Variants in ACSM5 observed in about 807,000 individuals in gnomAD.
ACSM5 encodes the protein acyl-CoA synthetase medium chain family member 5, also known as acyl-coenzyme A synthetase ACSM5, mitochondrial.
In ACSM5, 56 loss-of-function variants were observed where a neutral mutation model predicts 71.6. That is an observed-to-expected ratio of 0.78 (90% CI 0.63 to 0.98). The LOEUF (loss-of-function observed/expected upper bound fraction) is 0.98. Ranked by LOEUF, ACSM5 falls within the 50% of genes least tolerant of loss-of-function variation. ACSM5 has a pLI of 0.00. For missense variants in ACSM5, 723 were observed against 726.0 expected (o/e 1.00, Z 0.05); for synonymous variants, 285 against 281.5 (o/e 1.01, Z -0.12).
In ACSM5 at chr16:20,411,483, G is replaced by A. The variant is rs1966847469; in HGVS notation, c.-2G>A. 1 of 1,613,816 alleles carries A rather than the reference G, an allele frequency of 6.2e-7. No individual in the cohort carries two copies. Among genetic ancestry groups the A allele is most frequent in the Non-Finnish European group, 8.5e-7 (1 of 1,179,900 alleles). ...CTTTGGTGACAGACAGGAGGCGACT[G>A]CATGAGACCATGGCTGAGACACCTA... is the stretch of plus-strand genomic sequence containing the variant. On this transcript the variant is annotated 5_prime_UTR_variant, in exon 2 of 14. Transcript: ENST00000331849.
At chr16:20,416,312 CT>C (rs1966856294) in intron 2 of ACSM5, among the ~76,000 whole-genome samples, 1 of 148,838 alleles carries the variant, frequency 6.7e-6, no homozygotes, top group Admixed American at 6.7e-5. Context: ...AAGACTCACA[CT>C]TTTCTATTTC....
intron 12 of ACSM5, 26 bp downstream of exon 12, chr16:20,437,393 C>T (rs1271608753): frequency 6.6e-7 from 1 of 1,505,580 alleles, no homozygotes; most frequent in Non-Finnish European, 9.2e-7. Context: ...AAGAACATGG[C>T]CTCCTGCTTC....
chr16:20,426,247 G>C (rs1966976779), intron 6 of ACSM5, among the ~76,000 whole-genome samples: 1 of 152,206 alleles, frequency 6.6e-6, no homozygotes, highest in South Asian at 2.1e-4. Context: ...ATCAGCCAAT[G>C]TATGGACCTT....
intron 5 of ACSM5, among the ~76,000 whole-genome samples, chr16:20,423,199 G>A (rs1459524385): frequency 6.6e-6 from 1 of 152,200 alleles, no homozygotes; most frequent in Non-Finnish European, 1.5e-5. Context: ...GCACTGAAGG[G>A]GAAGACCAGG....
intron 10 of ACSM5, among the ~76,000 whole-genome samples, chr16:20,432,967 C>G (rs1017153083): frequency 6.7e-6 from 1 of 148,954 alleles, no homozygotes; most frequent in Non-Finnish European, 1.5e-5. Flanking sequence ...AAGCAACTCT[C>G]GCGCTCCAGT....
intron 5 of ACSM5, among the ~76,000 whole-genome samples, chr16:20,423,453 T>C (rs1966917913): frequency 6.6e-6 from 1 of 152,252 alleles, no homozygotes. Flanking sequence ...ATGTCCATCA[T>C]TGCTCTGGGT....
At chr16:20,435,911 T>C (rs563290181) in intron 10 of ACSM5, among the ~76,000 whole-genome samples, 1 of 150,922 alleles carries the variant, frequency 6.6e-6, no homozygotes, top group African/African-American at 2.4e-5. Context: ...TCTCCCACCC[T>C]CCCTTTCTTT....
intron 7 of ACSM5, among the ~76,000 whole-genome samples, chr16:20,428,499 A>T (rs1967032612): frequency 6.6e-6 from 1 of 152,196 alleles, no homozygotes; most frequent in Non-Finnish European, 1.5e-5. Context: ...GGGTATATGG[A>T]GAGAGGCCCA....
rs144548629 is a variant in ACSM5 at position 20,418,224 on chromosome 16, C to G, written c.370C>G (p.Arg124Gly). 7 of 1,612,214 alleles carry G rather than the reference C, an allele frequency of 4.3e-6. No homozygotes were observed. The African/African-American group carries it at 9.4e-5, about 22-fold the overall frequency. The change falls in exon 3 of 14, where the codon CGG (arginine) becomes GGG (glycine). Residue 124 changes from arginine (R) to glycine (G), a missense_variant. Arg to Gly is a moderately radical substitution (Grantham distance 125). Transcript: ENST00000331849. The stretch of plus-strand genomic sequence containing the variant: ...GGACAGAATGATGCTGGTACTCCCA[C>G]GGCTCCCGGAGTGGTGGCTGGTCAG... ...PGDRMMLVLP[R>G]LPEWWLVSVA...
intron 2 of ACSM5, chr16:20,412,073 C>T (rs575484353): frequency 3.2e-5 from 8 of 248,924 alleles, no homozygotes; most frequent in East Asian, 1.0e-4. Context: ...AGGCCGGGCG[C>T]GGTGGCTCAT....
chr16:20,420,412 C>G (rs1966873192), intron 4 of ACSM5, among the ~76,000 whole-genome samples: 2 of 152,116 alleles, frequency 1.3e-5, no homozygotes, highest in South Asian at 4.1e-4. Context: ...ACCAGCCTGA[C>G]CAGCATGGAG....
In ACSM5 at chr16:20,431,023, A is replaced by G. The variant is rs138459945; in HGVS notation, c.1156A>G (p.Lys386Glu). The G allele has an allele frequency of 4.3e-6, 7 of 1,613,834 alleles. No homozygotes were observed. In the African/African-American group the frequency reaches 5.3e-5, roughly 12 times the overall value. The change falls in exon 9 of 14, where the codon AAA (lysine) becomes GAA (glutamate). Residue 386 changes from lysine (K) to glutamate (E), a missense_variant. Coordinates refer to ENST00000331849, the MANE Select transcript of ACSM5 (RefSeq NM_017888.3). ...CATCTGTGCCAATCCAAAAGGCATGAAAATCAAGTCTGGATCCATGGGGAA... is the reference window on the plus strand; with the variant it reads ...CATCTGTGCCAATCCAAAAGGCATGGAAATCAAGTCTGGATCCATGGGGAA... ...VVICANPKGMKIKSGSMGKAS... is the reference protein window; with the variant it reads ...VVICANPKGMEIKSGSMGKAS...
Position 20,431,317 on chromosome 16 carries a change from A to AT in ACSM5, c.1307dup (p.Leu436PhefsTer5). ...CGGCCCTTCTGTTTCTTCAATTGCT[A>AT]TTTGGTAAGAGACGGGGAACAGCCG... On this transcript the variant is annotated frameshift_variant, in exon 10 of 14. Transcript: ENST00000331849. LOFTEE classifies it high-confidence loss of function. The AT allele has an allele frequency of 1.2e-6, 2 of 1,613,168 alleles. No homozygotes were observed. Among genetic ancestry groups the AT allele is most frequent in the Non-Finnish European group, 1.7e-6 (2 of 1,179,154 alleles).
At chr16:20,437,936 C>T (rs1967235382) in intron 12 of ACSM5, among the ~76,000 whole-genome samples, 2 of 128,004 alleles carry the variant, frequency 1.6e-5, no homozygotes, top group African/African-American at 6.4e-5. Flanking sequence ...GATCTTCCTG[C>T]CCCAGCACCC....
At chr16:20,428,115 G>T (rs1238883398) in intron 7 of ACSM5, among the ~76,000 whole-genome samples, 1 of 152,088 alleles carries the variant, frequency 6.6e-6, no homozygotes, top group Non-Finnish European at 1.5e-5. Context: ...CCCAAAATTT[G>T]CATCCAGATG....
chr16:20,417,851 G>A lies in ACSM5; in HGVS notation c.205-208G>A, dbSNP rs540380012. Reference sequence around the variant, plus strand: ...GGATATGCAAAAAACTAATAAAATTGGTTACTTATGAGGCAGAGGAAGTGG... The same window carrying A: ...GGATATGCAAAAAACTAATAAAATTAGTTACTTATGAGGCAGAGGAAGTGG... On this transcript the variant is annotated intron_variant, in intron 2 of 13. Coordinates refer to ENST00000331849, the MANE Select transcript of ACSM5 (RefSeq NM_017888.3). Among the ~76,000 whole-genome samples the A allele has an allele frequency of 9.2e-5, 14 of 152,246 alleles. No homozygotes were observed. In the South Asian group the frequency reaches 2.9e-3, roughly 32 times the overall value.
intron 10 of ACSM5, among the ~76,000 whole-genome samples, chr16:20,432,893 C>CTGT (rs1967128736): frequency 1.0e-5 from 1 of 95,462 alleles, no homozygotes; most frequent in Admixed American, 1.6e-4. Context: ...TCTTCTCACT[C>CTGT]TGTTGCCCAG....
chr16:20,418,237 G>A lies in ACSM5; in HGVS notation c.383G>A (p.Trp128Ter). The stretch of plus-strand genomic sequence containing the variant: ...CTGGTACTCCCACGGCTCCCGGAGT[G>A]GTGGCTGGTCAGTGTGGCTTGCATG... ...MMLVLPRLPE[W>*]WLVSVACMRT... The change falls in exon 3 of 14, where the codon TGG becomes TAG. Residue 128 changes from tryptophan to a stop codon, truncating the protein, a stop_gained. Transcript: ENST00000331849. LOFTEE classifies it high-confidence loss of function. 1.2e-6 allele frequency: 2 copies of A among 1,612,152 alleles called. No individual in the cohort carries two copies. The highest frequency in any genetic ancestry group is 1.3e-5 in the African/African-American group (1 of 74,982).
rs1331135405 is a variant in ACSM5, at chr16:20,431,021, T to A, written c.1154T>A (p.Met385Lys). Residue 385 changes from methionine to lysine, a missense_variant, in exon 9 of 14, where the codon ATG (methionine) becomes AAG (lysine). Physicochemically the swap from Met to Lys is moderately conservative, Grantham distance 95 (BLOSUM62 -1). Coordinates refer to ENST00000331849, the MANE Select transcript of ACSM5 (RefSeq NM_017888.3). ...TVVICANPKG[M>K]KIKSGSMGKA... The stretch of plus-strand genomic sequence containing the variant: ...GTCATCTGTGCCAATCCAAAAGGCA[T>A]GAAAATCAAGTCTGGATCCATGGGG... 9.3e-6 allele frequency: 15 copies of A among 1,613,804 alleles called. No individual in the cohort carries two copies. The highest frequency in any genetic ancestry group is 2.2e-5 in the South Asian group (2 of 91,036).
Sources: allele counts gnomAD v4.1 joint callset (sites outside exome capture counted in the v4.1 genomes callset), GRCh38; gene constraint gnomAD v4.1.1; transcripts MANE v1.5; gene names NCBI Gene and HGNC (gene_info 2026-07-23, HGNC 2026-07-21).